MCTP1: variants seen among roughly 807,000 people sequenced by gnomAD.
MCTP1 encodes multiple C2 and transmembrane domain-containing protein 1.
A neutral mutation model predicts 120.6 loss-of-function variants in MCTP1; 69 were observed. That is an observed-to-expected ratio of 0.57 (90% CI 0.47 to 0.70). The LOEUF is 0.70. Ranked by LOEUF, MCTP1 falls within the 30% of genes least tolerant of loss-of-function variation. The probability of loss-of-function intolerance (pLI) is 0.00; values close to 1 mark genes in which losing one functional copy is unlikely to be tolerated. For missense variants in MCTP1, 1,203 were observed against 1,248.8 expected (o/e 0.96, Z 0.55); for synonymous variants, 529 against 493.1 (o/e 1.07, Z -0.96).
intron 1 of MCTP1, among the ~76,000 whole-genome samples, chr5:95,281,649 CT>C (rs1760329073): frequency 6.6e-6 from 1 of 152,204 alleles, no homozygotes; most frequent in African/African-American, 2.4e-5. Flanking sequence ...GATATTTTAG[CT>C]TTTCTATTTC....
chr5:94,777,994 C>T (rs1775786262), intron 19 of MCTP1, among the ~76,000 whole-genome samples: 1 of 150,690 alleles, frequency 6.6e-6, no homozygotes, highest in African/African-American at 2.5e-5. Flanking sequence ...GGAAAAAAAT[C>T]ATGTGGAGAG....
intron 3 of MCTP1, among the ~76,000 whole-genome samples, chr5:94,948,353 T>C (rs927446414): frequency 1.5e-4 from 23 of 152,196 alleles, no homozygotes; most frequent in Non-Finnish European, 1.0e-4. Context: ...GATGAAGATG[T>C]GATTGCGGAT....
intron 19 of MCTP1, among the ~76,000 whole-genome samples, chr5:94,737,695 A>T (rs1007763278): frequency 6.6e-6 from 1 of 152,100 alleles, no homozygotes; most frequent in South Asian, 2.1e-4. Context: ...CTTTTGTTTG[A>T]GACAGAATCT....
At chr5:94,914,671 T>C (rs1459030726) in intron 8 of MCTP1, among the ~76,000 whole-genome samples, 3 of 152,230 alleles carry the variant, frequency 2.0e-5, no homozygotes, top group Non-Finnish European at 4.4e-5. Flanking sequence ...TCAAATGTGT[T>C]CTGAAGTGTA....
chr5:95,279,888 A>C (rs1021916628), intron 1 of MCTP1, among the ~76,000 whole-genome samples: 1 of 152,216 alleles, frequency 6.6e-6, no homozygotes, highest in African/African-American at 2.4e-5. Flanking sequence ...TCAATATGAA[A>C]GGGGTCATTT....
intron 6 of MCTP1, among the ~76,000 whole-genome samples, chr5:94,926,906 C>T (rs1021846290): frequency 6.6e-6 from 1 of 152,162 alleles, no homozygotes; most frequent in Non-Finnish European, 1.5e-5. Flanking sequence ...TTGTGGAATC[C>T]ATCCTCTCAC....
chr5:95,031,992 A>T (rs1323416183), intron 1 of MCTP1, among the ~76,000 whole-genome samples: 2 of 152,190 alleles, frequency 1.3e-5, no homozygotes, highest in African/African-American at 2.4e-5. Context: ...AAAAAGGACA[A>T]ATAAGGGCAT....
chr5:94,988,920 A>G (rs894236873), intron 2 of MCTP1, among the ~76,000 whole-genome samples: 9 of 152,120 alleles, frequency 5.9e-5, no homozygotes, highest in African/African-American at 2.2e-4. Flanking sequence ...AGATCTTGCG[A>G]GAACTAACTC....
At chr5:95,255,782 C>T (rs895190554) in intron 1 of MCTP1, among the ~76,000 whole-genome samples, 4 of 152,030 alleles carry the variant, frequency 2.6e-5, no homozygotes, top group Non-Finnish European at 2.9e-5. Context: ...TAAGCTAATC[C>T]CCAATCAAGC....
intron 1 of MCTP1, among the ~76,000 whole-genome samples, chr5:95,057,708 T>C (rs915975159): frequency 1.3e-5 from 2 of 152,202 alleles, no homozygotes; most frequent in African/African-American, 4.8e-5. Flanking sequence ...TAAATACCTT[T>C]AGATGGCATT....
intron 1 of MCTP1, among the ~76,000 whole-genome samples, chr5:95,140,879 C>CAAAAAA (rs33910299): frequency 2.2e-5 from 1 of 45,330 alleles, no homozygotes; most frequent in African/African-American, 8.4e-5. Context: ...GACTCCGTCT[C>CAAAAAA]AAAAAAAAAA....
intron 1 of MCTP1, among the ~76,000 whole-genome samples, chr5:95,276,674 G>A (rs1759866064): frequency 6.6e-6 from 1 of 151,004 alleles, no homozygotes; most frequent in Admixed American, 6.6e-5. Context: ...GTCAGGCCGG[G>A]CGCGGTGGCT....
At chr5:95,138,235 C>CCA (rs1554213178) in intron 1 of MCTP1, among the ~76,000 whole-genome samples, 2 of 148,842 alleles carry the variant, frequency 1.3e-5, no homozygotes, top group African/African-American at 4.9e-5. Flanking sequence ...GAGATGCAAC[C>CCA]CCCCCCCGAC....
chr5:95,172,290 G>A (rs1246944223), intron 1 of MCTP1, among the ~76,000 whole-genome samples: 1 of 152,174 alleles, frequency 6.6e-6, no homozygotes, highest in East Asian at 1.9e-4. Flanking sequence ...AGGGGTACCT[G>A]GCCGTGTGAG....
intron 1 of MCTP1, among the ~76,000 whole-genome samples, chr5:95,167,877 C>T (rs1327137553): frequency 1.3e-5 from 2 of 152,176 alleles, no homozygotes; most frequent in Admixed American, 6.5e-5. Context: ...GTTTCTTTTG[C>T]TTGCAGAAGC....
intron 1 of MCTP1, among the ~76,000 whole-genome samples, chr5:95,269,280 A>C (rs1046187032): frequency 3.3e-5 from 5 of 152,202 alleles, no homozygotes; most frequent in African/African-American, 1.2e-4. Context: ...AATATACCCC[A>C]AATGGACATC....
chr5:95,002,524 T>C (rs966737346), intron 2 of MCTP1, among the ~76,000 whole-genome samples: 2 of 152,196 alleles, frequency 1.3e-5, no homozygotes, highest in Non-Finnish European at 2.9e-5. Context: ...ATGTGAGACA[T>C]GGAGTCAAAG....
intron 1 of MCTP1, among the ~76,000 whole-genome samples, chr5:95,028,187 A>G (rs1033729388): frequency 6.6e-6 from 1 of 152,156 alleles, no homozygotes; most frequent in Non-Finnish European, 1.5e-5. Context: ...TACTTTGGAG[A>G]GTGAAAGGGA....
At chr5:95,174,048 A>G (rs926136428) in intron 1 of MCTP1, among the ~76,000 whole-genome samples, 2 of 152,222 alleles carry the variant, frequency 1.3e-5, no homozygotes, top group Non-Finnish European at 2.9e-5. Flanking sequence ...GGGTCAATCA[A>G]GAAGGCCCAA....
Sources: allele counts gnomAD v4.1 joint callset (sites outside exome capture counted in the v4.1 genomes callset), GRCh38; gene constraint gnomAD v4.1.1; transcripts MANE v1.5; gene names NCBI Gene and HGNC (gene_info 2026-07-23, HGNC 2026-07-21).